The following PHACTR3 variants were observed in gnomAD, a reference collection of about 807,000 sequenced individuals.
PHACTR3 encodes phosphatase and actin regulator 3, also known as protein phosphatase 1, regulatory subunit 123.
In PHACTR3, 16 loss-of-function variants were observed where a neutral mutation model predicts 66.8. The observed-to-expected ratio is 0.24, with a 90% CI of 0.16 to 0.36. The LOEUF is 0.36. Among genes scored for constraint, PHACTR3 ranks in the 10% least tolerant of loss-of-function variants. The pLI is 1.00. For synonymous variants in PHACTR3, 323 were observed against 292.1 expected, an observed-to-expected ratio of 1.11 and a Z score of -1.08; for missense variants, 647 against 719.9, an observed-to-expected ratio of 0.90 and a Z score of 1.16.
intron 1 of PHACTR3, among the ~76,000 whole-genome samples, chr20:59,697,795 A>G (rs1453301586): frequency 6.6e-6 from 1 of 152,214 alleles, no homozygotes; most frequent in Non-Finnish European, 1.5e-5. Context: ...GCAATCCAAG[A>G]ATGAACTAAT....
At chr20:59,808,202 A>T (rs1409804159) in intron 8 of PHACTR3, among the ~76,000 whole-genome samples, 2 of 152,186 alleles carry the variant, frequency 1.3e-5, no homozygotes, top group East Asian at 3.9e-4. Context: ...TTCCAGAGCC[A>T]CTGGAGTTCA....
intron 1 of PHACTR3, among the ~76,000 whole-genome samples, chr20:59,710,111 T>C (rs2037857952): frequency 6.6e-6 from 1 of 152,224 alleles, no homozygotes; most frequent in Admixed American, 6.5e-5. Context: ...TTCTTCTTTC[T>C]ATTTTTGCAG....
intron 7 of PHACTR3, among the ~76,000 whole-genome samples, chr20:59,785,460 A>G (rs1280821052): frequency 6.6e-6 from 1 of 152,214 alleles, no homozygotes; most frequent in Admixed American, 6.5e-5. Context: ...CAGGTGAATC[A>G]TAATGTGGGA....
At chr20:59,775,918 T>G (rs1006771879) in intron 7 of PHACTR3, among the ~76,000 whole-genome samples, 3 of 152,108 alleles carry the variant, frequency 2.0e-5, no homozygotes, top group Non-Finnish European at 2.9e-5. Context: ...CTGGACACAT[T>G]AGGATATCCT....
chr20:59,793,075 G>T (rs1171242522), intron 7 of PHACTR3, among the ~76,000 whole-genome samples: 1 of 151,426 alleles, frequency 6.6e-6, no homozygotes, highest in African/African-American at 2.4e-5. Flanking sequence ...TTTTTGTAGA[G>T]ACGAGGTCTC....
At chr20:59,826,290 C>G (rs560716322) in intron 8 of PHACTR3, among the ~76,000 whole-genome samples, 2 of 152,190 alleles carry the variant, frequency 1.3e-5, no homozygotes, top group Admixed American at 1.3e-4. Context: ...GCCACAGGCT[C>G]GGGCCTCTGG....
At chr20:59,709,695 T>C (rs868578454) in intron 1 of PHACTR3, among the ~76,000 whole-genome samples, 2 of 152,162 alleles carry the variant, frequency 1.3e-5, no homozygotes, top group Admixed American at 1.3e-4. Context: ...TAGTATGTTT[T>C]AGGAAGAAAT....
chr20:59,671,713 C>T (rs1601059182), intron 1 of PHACTR3, among the ~76,000 whole-genome samples: 1 of 152,232 alleles, frequency 6.6e-6, no homozygotes, highest in South Asian at 2.1e-4. Flanking sequence ...CCGGGGCCTG[C>T]ACCATGCCTG....
At chr20:59,840,543 TCTC>T in intron 10 of PHACTR3, 113 bp downstream of exon 10, 6 of 1,442,938 alleles carry the variant, frequency 4.2e-6, no homozygotes, top group South Asian at 1.4e-5. Flanking sequence ...TGAATAATGT[TCTC>T]CTGGACATCA....
At chr20:59,801,100 A>G (rs6100598) in intron 7 of PHACTR3, among the ~76,000 whole-genome samples, 14,443 of 152,108 alleles carry the variant, frequency 0.095, 1,645 homozygotes, top group African/African-American at 0.27. Context: ...AGATCTTTGG[A>G]TCTTCTTACT....
intron 1 of PHACTR3, among the ~76,000 whole-genome samples, chr20:59,730,609 GAAGAT>G (rs1183886374): frequency 6.6e-6 from 1 of 152,144 alleles, no homozygotes; most frequent in Non-Finnish European, 1.5e-5. Flanking sequence ...GAAGTGAAAT[GAAGAT>G]AAGAGATCAG....
At chr20:59,696,942 T>C (rs954430208) in intron 1 of PHACTR3, among the ~76,000 whole-genome samples, 2 of 152,176 alleles carry the variant, frequency 1.3e-5, no homozygotes, top group African/African-American at 4.8e-5. Context: ...GGAGACTGAA[T>C]CTATTGGTGA....
chr20:59,585,392 C>T (rs1335206529), intron 1 of PHACTR3, among the ~76,000 whole-genome samples: 7 of 152,150 alleles, frequency 4.6e-5, no homozygotes, highest in African/African-American at 7.2e-5. Context: ...TGGCAGATTT[C>T]GACCCAGGCA....
chr20:59,632,281 G>A (rs774569129), intron 1 of PHACTR3, among the ~76,000 whole-genome samples: 29 of 152,154 alleles, frequency 1.9e-4, no homozygotes, highest in Non-Finnish European at 3.8e-4. Flanking sequence ...GTCTGGCTGG[G>A]AAAAGGTGCA....
intron 8 of PHACTR3, among the ~76,000 whole-genome samples, chr20:59,811,449 A>G (rs528070413): frequency 6.6e-6 from 1 of 152,292 alleles, no homozygotes; most frequent in African/African-American, 2.4e-5. Context: ...ACTTGAGGTC[A>G]GGAGTTCGAG....
At chr20:59,663,665 G>A (rs1474847493) in intron 1 of PHACTR3, among the ~76,000 whole-genome samples, 2 of 152,188 alleles carry the variant, frequency 1.3e-5, no homozygotes, top group South Asian at 2.1e-4. Flanking sequence ...TGACGATGCC[G>A]CGTGCAGGAG....
At chr20:59,587,806 G>A (rs1022286479) in intron 1 of PHACTR3, among the ~76,000 whole-genome samples, 1 of 152,242 alleles carries the variant, frequency 6.6e-6, no homozygotes, top group African/African-American at 2.4e-5. Context: ...GTTCTCAGCT[G>A]TAGAGGCCAC....
At chr20:59,717,593 A>G (rs1310674772) in intron 1 of PHACTR3, among the ~76,000 whole-genome samples, 3 of 152,228 alleles carry the variant, frequency 2.0e-5, no homozygotes, top group Non-Finnish European at 4.4e-5. Flanking sequence ...AGCCTGGTGC[A>G]TGCTCAGGGG....
rs751297600 is a variant in PHACTR3, at chr20:59,773,306, G to A, written c.779G>A (p.Ser260Asn). ...CAAGCCACACTCTTCCAAGCCTCCA[G>A]CATGAAGAGTGCCGACCCTTCCCTC... ...TGQATLFQAS[S>N]MKSADPSLRG... Residue 260 changes from serine to asparagine, a missense_variant, in exon 6 of 13, where the codon AGC becomes AAC. Physicochemically the swap from Ser to Asn is conservative, Grantham distance 46. Coordinates refer to ENST00000371015, the MANE Select transcript of PHACTR3 (RefSeq NM_080672.5). 10 of 1,614,134 alleles carry A rather than the reference G, an allele frequency of 6.2e-6. No individual in the cohort carries two copies. Among genetic ancestry groups the A allele is most frequent in the Non-Finnish European group, 8.5e-6 (10 of 1,179,994 alleles).
Sources: gnomAD v4.1 joint callset for allele counts (sites outside exome capture counted in the v4.1 genomes callset) on GRCh38, gnomAD v4.1.1 for gene constraint, MANE v1.5 for transcripts, NCBI Gene and HGNC (gene_info 2026-07-23, HGNC 2026-07-21) for gene names.